The following RSU1 variants were observed in gnomAD, a reference collection of about 807,000 sequenced individuals.
RSU1 encodes rsu-1.
RSU1 carries 26 observed loss-of-function variants against 31.1 expected under a neutral mutation model. The ratio of observed to expected loss-of-function variants is 0.84; its 90% confidence interval spans 0.61 to 1.16. RSU1 has a LOEUF of 1.16. Ranked by LOEUF, RSU1 falls within the 50% of genes most tolerant of loss-of-function variation. The pLI, the probability that RSU1 is intolerant of heterozygous loss-of-function variation, is 0.00. For missense variants in RSU1, 320 were observed against 339.1 expected, an observed-to-expected ratio of 0.94 and a Z score of 0.44; for synonymous variants, 164 against 136.3, an observed-to-expected ratio of 1.20 and a Z score of -1.41.
intron 2 of RSU1, among the ~76,000 whole-genome samples, chr10:16,791,303 A>G (rs577274262): frequency 5.3e-5 from 8 of 152,102 alleles, no homozygotes; most frequent in Non-Finnish European, 1.2e-4. Context: ...CTGTGATTAC[A>G]GGCGTGAGCC....
At chr10:16,772,160 C>T (rs552989589) in intron 3 of RSU1, among the ~76,000 whole-genome samples, 4 of 152,120 alleles carry the variant, frequency 2.6e-5, no homozygotes, top group South Asian at 2.1e-4. Context: ...AAATCAATTA[C>T]GTGAAAATTA....
chr10:16,815,924 G>T (rs72771355), intron 2 of RSU1, among the ~76,000 whole-genome samples: 82 of 152,318 alleles, frequency 5.4e-4, no homozygotes, highest in Non-Finnish European at 9.4e-4. Context: ...TCCAGGAAGG[G>T]CAACAGGTTC....
At chr10:16,816,333 G>A (rs1053648514) in intron 2 of RSU1, among the ~76,000 whole-genome samples, 4 of 152,134 alleles carry the variant, frequency 2.6e-5, no homozygotes, top group Admixed American at 1.3e-4. Context: ...TCACTTGGAG[G>A]CATGTGAATC....
At chr10:16,610,932 GTA>G (rs1833882276) in intron 8 of RSU1, among the ~76,000 whole-genome samples, 1 of 152,112 alleles carries the variant, frequency 6.6e-6, no homozygotes, top group Non-Finnish European at 1.5e-5. Flanking sequence ...GTCCTTATTT[GTA>G]ATAGTTGTGA....
chr10:16,713,327 TATAATGCACAC>T (rs1836061512), intron 7 of RSU1, among the ~76,000 whole-genome samples: 2 of 152,236 alleles, frequency 1.3e-5, no homozygotes, highest in Admixed American at 6.5e-5. Flanking sequence ...ACGAAGTTCC[TATAATGCACAC>T]ATTTGTTCAT....
chr10:16,684,274 C>A (rs920678878), intron 8 of RSU1, among the ~76,000 whole-genome samples: 1 of 152,140 alleles, frequency 6.6e-6, no homozygotes, highest in Admixed American at 6.5e-5. Flanking sequence ...TAATGTTATG[C>A]CAGAGTCAGA....
Position 16,681,665 on chromosome 10 carries a change from G to A in RSU1, c.731+13358C>T, listed in dbSNP as rs542590691. On this transcript the variant is annotated intron_variant, in intron 8 of 8. Transcript: ENST00000345264. Reference sequence around the variant, plus strand: ...ACGACCCTCAGAGATGATCTAGTTTGAAACTTGAGCTGTGCAGATGGGGAA... The same window carrying A: ...ACGACCCTCAGAGATGATCTAGTTTAAAACTTGAGCTGTGCAGATGGGGAA... Among the ~76,000 whole-genome samples the A allele has an allele frequency of 1.6e-4, 24 of 152,248 alleles. 1 individual carries two copies. The South Asian group carries it at 5.0e-3, about 32-fold the overall frequency.
chr10:16,595,211 G>A (rs1033581327), intron 8 of RSU1, among the ~76,000 whole-genome samples: 1 of 152,220 alleles, frequency 6.6e-6, no homozygotes, highest in Non-Finnish European at 1.5e-5. Context: ...ACTGTGCCTG[G>A]CGTCCAATAC....
At chr10:16,708,593 AT>A (rs1039095922) in intron 7 of RSU1, among the ~76,000 whole-genome samples, 3 of 151,002 alleles carry the variant, frequency 2.0e-5, no homozygotes, top group Non-Finnish European at 3.0e-5. Context: ...GAATTTTAGG[AT>A]TTTTTTTTCT....
intron 7 of RSU1, among the ~76,000 whole-genome samples, chr10:16,737,880 T>A (rs951106546): frequency 6.6e-6 from 1 of 152,088 alleles, no homozygotes; most frequent in Non-Finnish European, 1.5e-5. Context: ...AACTAGAGAA[T>A]ACGCAGGCCC....
intron 7 of RSU1, among the ~76,000 whole-genome samples, chr10:16,710,810 T>C (rs1390300981): frequency 6.6e-6 from 1 of 152,130 alleles, no homozygotes; most frequent in Non-Finnish European, 1.5e-5. Context: ...ATGCTATCCC[T>C]CCTCTTACCC....
chr10:16,740,538 A>G (rs1176189246), intron 7 of RSU1, among the ~76,000 whole-genome samples: 6 of 152,212 alleles, frequency 3.9e-5, no homozygotes, highest in African/African-American at 1.2e-4. Context: ...CCAGATTGGA[A>G]AGGAGGAGGT....
At chr10:16,649,901 C>T (rs1302783145) in intron 8 of RSU1, among the ~76,000 whole-genome samples, 1 of 152,210 alleles carries the variant, frequency 6.6e-6, no homozygotes, top group Non-Finnish European at 1.5e-5. Flanking sequence ...CAGGCCCTAA[C>T]ACTACACTAG....
At chr10:16,677,216 G>A (rs1187484943) in intron 8 of RSU1, among the ~76,000 whole-genome samples, 3 of 152,152 alleles carry the variant, frequency 2.0e-5, no homozygotes, top group African/African-American at 4.8e-5. Context: ...GCCAGAACTT[G>A]ATTTCTGGCT....
chr10:16,806,777 G>C (rs917401877), intron 2 of RSU1, among the ~76,000 whole-genome samples: 26 of 152,122 alleles, frequency 1.7e-4, no homozygotes, highest in Admixed American at 1.1e-3. Context: ...TATTTTGAAA[G>C]AGTCTCACTC....
intron 8 of RSU1, among the ~76,000 whole-genome samples, chr10:16,652,255 T>G (rs1195996354): frequency 6.6e-6 from 1 of 151,830 alleles, no homozygotes; most frequent in Non-Finnish European, 1.5e-5. Flanking sequence ...ACTGGAAAAT[T>G]CTCATAGAAA....
intron 7 of RSU1, among the ~76,000 whole-genome samples, chr10:16,734,110 T>C (rs1162554330): frequency 2.0e-5 from 3 of 152,226 alleles, no homozygotes; most frequent in South Asian, 2.1e-4. Flanking sequence ...CATTGGCAAT[T>C]TATATAACTG....
chr10:16,647,544 T>C (rs1834594899), intron 8 of RSU1, among the ~76,000 whole-genome samples: 1 of 152,192 alleles, frequency 6.6e-6, no homozygotes, highest in Non-Finnish European at 1.5e-5. Context: ...CCATATAGTA[T>C]GATGTTATTC....
In RSU1 at chr10:16,745,554, T is replaced by C. The variant is rs1265341363; in HGVS notation, c.598+6985A>G. Among the ~76,000 whole-genome samples, 5 of 152,152 alleles carry C rather than the reference T, an allele frequency of 3.3e-5. No homozygotes were observed. The East Asian group carries it at 9.6e-4, about 29-fold the overall frequency. ...AATGGCAGGAGCCACAAGAGAGGGC[T>C]TGTGTATGAGACCCCCATTTTTAAA... On this transcript the variant is annotated intron_variant, in intron 7 of 8. Transcript: ENST00000345264.
Sources: gnomAD v4.1 joint callset for allele counts (sites outside exome capture counted in the v4.1 genomes callset) on GRCh38, gnomAD v4.1.1 for gene constraint, MANE v1.5 for transcripts, NCBI Gene and HGNC (gene_info 2026-07-23, HGNC 2026-07-21) for gene names.